CKAP2L: variants seen among roughly 807,000 people sequenced by gnomAD.
CKAP2L encodes cytoskeleton associated protein 2L.
CKAP2L carries 42 observed loss-of-function variants against 65.7 expected under a neutral mutation model. The ratio of observed to expected loss-of-function variants is 0.64; its 90% CI spans 0.50 to 0.83. The LOEUF (loss-of-function observed/expected upper bound fraction) is 0.83. Among genes scored for constraint, CKAP2L ranks in the 40% least tolerant of loss-of-function variants. CKAP2L has a pLI of 0.00. For synonymous variants in CKAP2L, 325 were observed against 313.5 expected (o/e 1.04, Z -0.39); for missense variants, 908 against 871.0 (o/e 1.04, Z -0.53).
intron 5 of CKAP2L, among the ~76,000 whole-genome samples, chr2:112,748,407 A>G (rs1163591311): frequency 6.6e-6 from 1 of 152,074 alleles, no homozygotes; most frequent in East Asian, 1.9e-4. Flanking sequence ...CAGGGAAAAC[A>G]AGCTGAAATT....
At position 112,757,053 on chromosome 2, in the gene CKAP2L, T is replaced by C; in HGVS notation, c.318A>G (p.Glu106=). The C allele has an allele frequency of 1.1e-5, 17 of 1,614,194 alleles. No individual in the cohort carries two copies. Among genetic ancestry groups the C allele is most frequent in the Non-Finnish European group, 1.4e-5 (17 of 1,180,030 alleles). The change falls in exon 4 of 9, where the codon GAA becomes GAG. Residue 106 remains glutamate, a synonymous_variant. Transcript: ENST00000302450. ...PKLLGKRLTS[E]CVSSNPYSKP... ...TAGAGTATGGGTTAGAAGAAACACA[T>C]TCTGAAGTCAGCCTTTTGCCCAGAA...
chr2:112,757,001 A>T lies in CKAP2L; in HGVS notation c.370T>A (p.Cys124Ser). ...SKPSSKSFQQ[C>S]EAGSSTTGEL... ...CCTGTTGTGGACGATCCAGCTTCAC[A>T]CTGTTGAAAACTCTTGCTAGAAGGC... Residue 124 changes from cysteine to serine, a missense_variant, in exon 4 of 9, where the codon TGT (cysteine) becomes AGT (serine). Transcript: ENST00000302450. 1.9e-6 allele frequency: 3 copies of T among 1,614,208 alleles called. No individual in the cohort carries two copies. The highest frequency in any genetic ancestry group is 2.5e-6 in the Non-Finnish European group (3 of 1,180,032).
chr2:112,753,934 T>C (rs1680457384), intron 4 of CKAP2L, among the ~76,000 whole-genome samples: 1 of 152,174 alleles, frequency 6.6e-6, no homozygotes, highest in South Asian at 2.1e-4. Flanking sequence ...GTAATTACCG[T>C]GTCTTATTTA....
At chr2:112,746,293 T>A in intron 6 of CKAP2L, 127 bp downstream of exon 6, 1 of 629,466 alleles carries the variant, frequency 1.6e-6, no homozygotes, top group Non-Finnish European at 2.6e-6. Flanking sequence ...TTCTTTATGG[T>A]AAGGTATGAC....
At chr2:112,747,411 C>T (rs1346410370) in intron 5 of CKAP2L, among the ~76,000 whole-genome samples, 3 of 152,114 alleles carry the variant, frequency 2.0e-5, no homozygotes. Flanking sequence ...TTTATAATAA[C>T]GAGAACACTG....
Position 112,738,956 on chromosome 2 carries a change from T to C in CKAP2L, c.2105A>G (p.Glu702Gly), listed in dbSNP as rs1185255014. The change falls in exon 9 of 9, where the codon GAA (glutamate) becomes GGA (glycine). Residue 702 changes from glutamate to glycine, a missense_variant. Transcript: ENST00000302450. The stretch of plus-strand genomic sequence containing the variant: ...TACTAAATCGTGTTCCTGCAGCATT[T>C]CTGGGTAGCGGGACACTGCTCGCTC... ...RIERAVSRYP[E>G]MLQEHDLVVA... is the part of the protein sequence containing the mutation. 1.2e-6 allele frequency: 2 copies of C among 1,614,214 alleles called. No homozygotes were observed. Among genetic ancestry groups the C allele is most frequent in the East Asian group, 4.5e-5 (2 of 44,894 alleles).
chr2:112,750,642 A>G (rs1303581930), intron 5 of CKAP2L, among the ~76,000 whole-genome samples: 1 of 152,242 alleles, frequency 6.6e-6, no homozygotes, highest in Non-Finnish European at 1.5e-5. Context: ...GAGAACCCAC[A>G]TAAGATACTG....
intron 8 of CKAP2L, among the ~76,000 whole-genome samples, chr2:112,740,286 C>T (rs1311989803): frequency 6.6e-6 from 1 of 152,094 alleles, no homozygotes; most frequent in East Asian, 1.9e-4. Flanking sequence ...TGTCTTGGTG[C>T]CCTTGTTTGG....
chr2:112,753,892 CA>C (rs1202485047), intron 4 of CKAP2L, among the ~76,000 whole-genome samples: 2 of 152,152 alleles, frequency 1.3e-5, no homozygotes. Context: ...GTCCTCCCCT[CA>C]AATGACACCT....
chr2:112,747,818 G>T (rs910390835), intron 5 of CKAP2L, among the ~76,000 whole-genome samples: 3 of 152,218 alleles, frequency 2.0e-5, no homozygotes, highest in African/African-American at 7.2e-5. Flanking sequence ...GAACACTGGA[G>T]CAAAGAGGAA....
intron 2 of CKAP2L, among the ~76,000 whole-genome samples, chr2:112,761,126 A>C (rs1350892663): frequency 6.6e-6 from 1 of 152,162 alleles, no homozygotes; most frequent in Non-Finnish European, 1.5e-5. Context: ...TGTGCCAGAC[A>C]CCGAAGACAC....
chr2:112,748,671 G>A (rs1023879027), intron 5 of CKAP2L, among the ~76,000 whole-genome samples: 2 of 152,070 alleles, frequency 1.3e-5, no homozygotes, highest in Admixed American at 1.3e-4. Context: ...GACCAGCCTG[G>A]GCAACACAGT....
chr2:112,753,349 C>T (rs1680434929), intron 4 of CKAP2L, among the ~76,000 whole-genome samples: 1 of 152,022 alleles, frequency 6.6e-6, no homozygotes, highest in Admixed American at 6.6e-5. Context: ...AAATAGCACC[C>T]CAGGCTGTGT....
chr2:112,756,625 G>T lies in CKAP2L; in HGVS notation c.746C>A (p.Thr249Lys), dbSNP rs1294506754. ...DRVNKQFVGE[T>K]QSRTFPVKSQ... is the part of the protein sequence containing the mutation. ...TTTTACTGGGAAAGTCCTGCTTTGT[G>T]TTTCTCCAACAAATTGTTTATTAAC... is the stretch of plus-strand genomic sequence containing the variant. Residue 249 changes from threonine (T) to lysine (K), a missense_variant, in exon 4 of 9, where the codon ACA becomes AAA. Coordinates refer to ENST00000302450, the MANE Select transcript of CKAP2L (RefSeq NM_152515.5). 3 of 1,611,578 alleles carry T rather than the reference G, an allele frequency of 1.9e-6. No individual in the cohort carries two copies. The East Asian group carries it at 6.7e-5, about 36-fold the overall frequency.
intron 8 of CKAP2L, among the ~76,000 whole-genome samples, chr2:112,739,624 T>C (rs1444587406): frequency 6.6e-6 from 1 of 152,174 alleles, no homozygotes; most frequent in Non-Finnish European, 1.5e-5. Flanking sequence ...TAATACCAAA[T>C]TTGGTTGAAT....
In CKAP2L at chr2:112,742,741, A is replaced by G; in HGVS notation, c.1787T>C (p.Leu596Pro). ...TCTGTTTGAGTCTTGCAAGATATTA[A>G]GAACAACTTTCCGCAACTCTTGTAT... ...TPIQELRKVVLNILQDSNRTT... is the reference protein window; with the variant it reads ...TPIQELRKVVPNILQDSNRTT... Residue 596 changes from leucine to proline, a missense_variant, in exon 7 of 9, where the codon CTT becomes CCT. By Grantham distance (98) the Leu-to-Pro change is moderately conservative. Transcript: ENST00000302450. 1 of 1,609,890 alleles carries G rather than the reference A, an allele frequency of 6.2e-7. No homozygotes were observed. The highest frequency in any genetic ancestry group is 8.5e-7 in the Non-Finnish European group (1 of 1,178,046).
Position 112,756,793 on chromosome 2 carries a change from G to T in CKAP2L, c.578C>A (p.Thr193Lys), listed in dbSNP as rs1400304367. 1 of 1,603,740 alleles carries T rather than the reference G, an allele frequency of 6.2e-7. No homozygotes were observed. Among genetic ancestry groups the T allele is most frequent in the African/African-American group, 1.4e-5 (1 of 74,068 alleles). Residue 193 changes from threonine (T) to lysine (K), a missense_variant, in exon 4 of 9, where the codon ACA (threonine) becomes AAA (lysine). Transcript: ENST00000302450. ...TNKENLLDILTEPERKPDPKL... is the reference protein window; with the variant it reads ...TNKENLLDILKEPERKPDPKL... ...AGGATCTGGCTTCCTCTCAGGTTCT[G>T]TTAAGATATCGAGCAAGTTCTCTTT...
chr2:112,742,529 A>C, intron 7 of CKAP2L, 177 bp downstream of exon 7: 2 of 713,582 alleles, frequency 2.8e-6, no homozygotes, highest in South Asian at 1.5e-5. Context: ...TAGTGCATTT[A>C]CTTGTAATAA....
Position 112,756,033 on chromosome 2 carries a change from T to G in CKAP2L, c.1338A>C (p.Val446=). ...APKTQADVTT[V]NGTQTNPNIK... is the part of the protein sequence containing the mutation. ...TATTTGGGTTTGTTTGGGTCCCATTTACGGTTGTGACATCAGCTTGAGTTT... is the reference window on the plus strand; with the variant it reads ...TATTTGGGTTTGTTTGGGTCCCATTGACGGTTGTGACATCAGCTTGAGTTT... The change falls in exon 4 of 9, where the codon GTA becomes GTC. Residue 446 remains valine (V), a synonymous_variant. Coordinates refer to ENST00000302450, the MANE Select transcript of CKAP2L (RefSeq NM_152515.5). The G allele has an allele frequency of 6.2e-7, 1 of 1,612,104 alleles. No homozygotes were observed. Among genetic ancestry groups the G allele is most frequent in the East Asian group, 2.2e-5 (1 of 44,892 alleles).
Sources: gnomAD v4.1 joint callset for allele counts (sites outside exome capture counted in the v4.1 genomes callset) on GRCh38, gnomAD v4.1.1 for gene constraint, MANE v1.5 for transcripts, NCBI Gene and HGNC (gene_info 2026-07-23, HGNC 2026-07-21) for gene names.